The following WRN variants were observed in gnomAD, a reference collection of about 807,000 sequenced individuals.
The protein encoded by WRN is WRN RecQ like helicase, also known as bifunctional 3'-5' exonuclease/ATP-dependent helicase WRN.
A neutral mutation model predicts 180.7 loss-of-function variants in WRN; 149 were observed. The ratio of observed to expected loss-of-function variants is 0.82; its 90% CI spans 0.72 to 0.94. The LOEUF is 0.94. Ranked by LOEUF, WRN falls within the 40% of genes least tolerant of loss-of-function variation. The pLI is 0.00. For missense variants in WRN, 1,661 were observed against 1,700.1 expected (o/e 0.98, Z 0.40); for synonymous variants, 548 against 568.9 (o/e 0.96, Z 0.52).
Position 31,173,267 on chromosome 8 carries a change from A to T in WRN, c.*165A>T, listed in dbSNP as rs1056856351. ...ATCTTAAATCAGCCTTCCGCAATTC[A>T]TGTAGTTTCTGGGTCTTCTGGGAGC... is the stretch of plus-strand genomic sequence containing the variant. On this transcript the variant is annotated 3_prime_UTR_variant, in exon 35 of 35. Coordinates refer to ENST00000298139, the MANE Select transcript of WRN (RefSeq NM_000553.6). 5.7e-6 allele frequency: 4 copies of T among 705,872 alleles called. No homozygotes were observed. The highest frequency in any genetic ancestry group is 9.7e-6 in the Non-Finnish European group (4 of 413,930). The allele number at this position is 705,872 out of a possible 1,614,324, so 43.7% of individuals were successfully genotyped here.
intron 18 of WRN, among the ~76,000 whole-genome samples, chr8:31,101,810 A>G (rs930592649): frequency 6.6e-6 from 1 of 151,518 alleles, no homozygotes; most frequent in African/African-American, 2.4e-5. Context: ...AAAAAAAAAA[A>G]AAGTGAATTT....
chr8:31,146,115 A>G (rs1270939834), intron 28 of WRN, among the ~76,000 whole-genome samples: 1 of 151,868 alleles, frequency 6.6e-6, no homozygotes, highest in Non-Finnish European at 1.5e-5. Context: ...CAAATCTTCC[A>G]GCTGATTTCC....
chr8:31,130,183 A>C (rs1260065308), intron 23 of WRN, among the ~76,000 whole-genome samples: 1 of 151,618 alleles, frequency 6.6e-6, no homozygotes, highest in Admixed American at 6.6e-5. Flanking sequence ...CAACAACAAA[A>C]AAAACTGGTA....
chr8:31,089,836 C>A (rs949275365), intron 13 of WRN, among the ~76,000 whole-genome samples: 1 of 151,970 alleles, frequency 6.6e-6, no homozygotes, highest in African/African-American at 2.4e-5. Flanking sequence ...CTTGCTTTAT[C>A]ACATATCCAT....
At chr8:31,049,159 C>T (rs1385105562) in intron 1 of WRN, among the ~76,000 whole-genome samples, 4 of 118,828 alleles carry the variant, frequency 3.4e-5, no homozygotes, top group Non-Finnish European at 4.8e-5. Context: ...TGCAGTGAGC[C>T]GAGATCACGC....
chr8:31,149,453 G>GTTTT (rs1803010841), intron 30 of WRN, among the ~76,000 whole-genome samples: 1 of 91,006 alleles, frequency 1.1e-5, no homozygotes, highest in African/African-American at 4.5e-5. Context: ...TTTAATAGAG[G>GTTTT]TGTTTTTTTT....
At chr8:31,145,497 A>C (rs990703862) in intron 28 of WRN, among the ~76,000 whole-genome samples, 95 of 152,296 alleles carry the variant, frequency 6.2e-4, no homozygotes, top group Non-Finnish European at 1.3e-4. Context: ...TCCTTTCAAA[A>C]TGTTATTGCT....
In WRN at chr8:31,059,172, T is replaced by C; in HGVS notation, c.116T>C (p.Val39Ala). The C allele has an allele frequency of 6.2e-7, 1 of 1,613,822 alleles. No individual in the cohort carries two copies. The highest frequency in any genetic ancestry group is 8.5e-7 in the Non-Finnish European group (1 of 1,179,834). Reference protein sequence around the residue: ...EERKACVRKSVFEDDLPFLEF... With the variant: ...EERKACVRKSAFEDDLPFLEF... ...CTCAAGGCATGTGTTCGGAAGAGTG[T>C]TTTTGAAGATGACCTCCCCTTCTTA... Residue 39 changes from valine to alanine, a missense_variant, in exon 3 of 35, where the codon GTT (valine) becomes GCT (alanine). By Grantham distance (64) the Val-to-Ala change is moderately conservative. This residue lies in a region of WRN where 500 missense variants were observed against 504.1 expected (regional missense o/e 0.99). Coordinates refer to ENST00000298139, the MANE Select transcript of WRN (RefSeq NM_000553.6).
intron 1 of WRN, among the ~76,000 whole-genome samples, chr8:31,049,210 C>CAAAAAAAAAAA (rs72226104): frequency 9.4e-5 from 3 of 31,796 alleles, no homozygotes; most frequent in Non-Finnish European, 1.5e-4. Flanking sequence ...GACTCTGTCT[C>CAAAAAAAAAAA]AAAAAAAAAA....
At chr8:31,134,062 A>G (rs1264859657) in intron 24 of WRN, among the ~76,000 whole-genome samples, 1 of 152,122 alleles carries the variant, frequency 6.6e-6, no homozygotes, top group African/African-American at 2.4e-5. Flanking sequence ...ATATTACACT[A>G]CCCTTGCTAG....
At chr8:31,116,231 G>A (rs1272068812) in intron 19 of WRN, 123 bp from the exon 20 acceptor site, 12 of 968,488 alleles carry the variant, frequency 1.2e-5, no homozygotes, top group Middle Eastern at 3.0e-4. Context: ...TTTTTGATAG[G>A]CTTTCTTCCT....
intron 5 of WRN, among the ~76,000 whole-genome samples, chr8:31,065,439 A>C (rs537803366): frequency 6.6e-6 from 1 of 151,778 alleles, no homozygotes; most frequent in Non-Finnish European, 1.5e-5. Flanking sequence ...CTGTGTGTCC[A>C]TGTTTTCTTA....
At chr8:31,134,825 A>C (rs776384788) in intron 24 of WRN, among the ~76,000 whole-genome samples, 1 of 152,184 alleles carries the variant, frequency 6.6e-6, no homozygotes, top group Non-Finnish European at 1.5e-5. Context: ...AGGATTATCC[A>C]TCCTGTTTTC....
At chr8:31,061,092 C>G (rs760452477) in intron 3 of WRN, among the ~76,000 whole-genome samples, 9 of 152,198 alleles carry the variant, frequency 5.9e-5, no homozygotes, top group Non-Finnish European at 1.2e-4. Flanking sequence ...TTAGTACACA[C>G]AAGTTTGATT....
chr8:31,169,534 A>G (rs527384754), intron 34 of WRN, among the ~76,000 whole-genome samples: 1 of 152,092 alleles, frequency 6.6e-6, no homozygotes, highest in African/African-American at 2.4e-5. Flanking sequence ...GAAAGGCTAC[A>G]GTTTTATTCT....
intron 33 of WRN, among the ~76,000 whole-genome samples, chr8:31,164,852 G>T (rs1015430366): frequency 6.6e-6 from 1 of 152,112 alleles, no homozygotes; most frequent in African/African-American, 2.4e-5. Context: ...GATATTTTCA[G>T]CACTTATTTA....
Position 31,064,300 on chromosome 8 carries a change from C to G in WRN, c.221C>G (p.Ser74Ter), listed in dbSNP as rs878854135. 1 of 1,613,998 alleles carries G rather than the reference C, an allele frequency of 6.2e-7. No homozygotes were observed. The highest frequency in any genetic ancestry group is 8.5e-7 in the Non-Finnish European group (1 of 1,179,966). ...TTTTCTCACTTTAGCATGAGTCTAT[C>G]AGATGGGGATGTGGTGGGATTTGAC... ...FLSEDISMSL[S>*]DGDVVGFDME... Residue 74 changes from serine to a stop codon, truncating the protein, a stop_gained, in exon 4 of 35, where the codon TCA becomes TGA. Coordinates refer to ENST00000298139, the MANE Select transcript of WRN (RefSeq NM_000553.6). LOFTEE classifies it high-confidence loss of function.
chr8:31,062,874 C>T (rs979526829), intron 3 of WRN, among the ~76,000 whole-genome samples: 1 of 151,932 alleles, frequency 6.6e-6, no homozygotes, highest in Non-Finnish European at 1.5e-5. Context: ...CTCTGTTATC[C>T]AGGCTGGAGT....
intron 8 of WRN, among the ~76,000 whole-genome samples, chr8:31,078,364 A>G (rs191970943): frequency 6.6e-6 from 1 of 152,306 alleles, no homozygotes; most frequent in Admixed American, 6.5e-5. Context: ...AAGACCTCTG[A>G]GCAGTCAAAA....
Sources: allele counts gnomAD v4.1 joint callset (sites outside exome capture counted in the v4.1 genomes callset), GRCh38; gene constraint gnomAD v4.1.1; regional missense constraint gnomAD v4.1.1; transcripts MANE v1.5; gene names NCBI Gene and HGNC (gene_info 2026-07-23, HGNC 2026-07-21).